Variants in YY1AP1 observed in about 807,000 individuals in gnomAD.
The protein encoded by YY1AP1 is YY1-associated protein 1.
YY1AP1 carries 43 observed loss-of-function variants against 39.9 expected under a neutral mutation model. That is an observed-to-expected ratio of 1.08 (90% CI 0.84 to 1.39). The LOEUF is 1.39. Among genes scored for constraint, YY1AP1 ranks in the 40% most tolerant of loss-of-function variants. The pLI, the probability that YY1AP1 is intolerant of heterozygous loss-of-function variation, is 0.00. For synonymous variants in YY1AP1, 292 were observed against 331.3 expected (o/e 0.88, Z 1.29); for missense variants, 813 against 900.7 (o/e 0.90, Z 1.25).
At chr1:155,672,998 T>C (rs1362612423) in intron 6 of YY1AP1, among the ~76,000 whole-genome samples, 2 of 152,172 alleles carry the variant, frequency 1.3e-5, no homozygotes, top group East Asian at 3.9e-4. Context: ...GTCTCAAGAA[T>C]GGGGACTATT....
At chr1:155,667,659 A>C (rs536164068) in intron 9 of YY1AP1, among the ~76,000 whole-genome samples, 2 of 151,178 alleles carry the variant, frequency 1.3e-5, no homozygotes, top group East Asian at 4.0e-4. Context: ...CCCCGACTCT[A>C]CTAAATACAA....
chr1:155,671,354 C>A (rs941430003), intron 7 of YY1AP1, among the ~76,000 whole-genome samples: 1 of 151,704 alleles, frequency 6.6e-6, no homozygotes, highest in Non-Finnish European at 1.5e-5. Flanking sequence ...TTGTTTGAAC[C>A]TGGGAGGCGG....
chr1:155,678,098 A>C (rs1321218237), intron 4 of YY1AP1, among the ~76,000 whole-genome samples: 3 of 152,368 alleles, frequency 2.0e-5, no homozygotes, highest in East Asian at 3.9e-4. Context: ...AGGTGGCTCC[A>C]TAAGATTACT....
intron 2 of YY1AP1, among the ~76,000 whole-genome samples, chr1:155,687,093 T>C (rs566899679): frequency 6.6e-6 from 1 of 152,344 alleles, no homozygotes; most frequent in African/African-American, 2.4e-5. Flanking sequence ...AGAGATTCAG[T>C]ATCACAAAGA....
chr1:155,666,184 C>T (rs200428375), intron 9 of YY1AP1, among the ~76,000 whole-genome samples: 53 of 151,702 alleles, frequency 3.5e-4, no homozygotes, highest in East Asian at 3.1e-3. Context: ...TGCAGTGGCG[C>T]GATCTCGGCT....
chr1:155,680,648 T>C (rs1349582832), intron 2 of YY1AP1, among the ~76,000 whole-genome samples, 192 bp from the exon 3 acceptor site: 1 of 152,136 alleles, frequency 6.6e-6, no homozygotes, highest in Non-Finnish European at 1.5e-5. Context: ...CTCACTGCAA[T>C]CTCTGCTTCC....
At chr1:155,688,632 G>A in intron 1 of YY1AP1, 27 bp downstream of exon 1, 2 of 1,534,454 alleles carry the variant, frequency 1.3e-6, no homozygotes, top group African/African-American at 1.4e-5. Context: ...CTGTCAAGCC[G>A]GCTCCAGCGC....
At chr1:155,679,209 A>T (rs489970) in intron 4 of YY1AP1, 200 bp downstream of exon 4, 5 of 1,518,282 alleles carry the variant, frequency 3.3e-6, no homozygotes, top group South Asian at 1.2e-5. Context: ...CTTCCCAAAC[A>T]GATACAGCTT....
At chr1:155,685,063 C>T (rs1558318364) in intron 2 of YY1AP1, among the ~76,000 whole-genome samples, 1 of 152,156 alleles carries the variant, frequency 6.6e-6, no homozygotes, top group Non-Finnish European at 1.5e-5. Context: ...CATCCCAAAA[C>T]AAGGTAAGGA....
In YY1AP1 at chr1:155,672,490, T is replaced by A. The variant is rs544704207; in HGVS notation, c.583+70A>T. The stretch of plus-strand genomic sequence containing the variant: ...CCTAGGCAAGTATCCTAGGAAGTTA[T>A]CTATGGGATAAGATTCCCACCACCT... On this transcript the variant is annotated intron_variant, in intron 7 of 10. Coordinates refer to ENST00000355499, the MANE Select transcript of YY1AP1 (RefSeq NM_139119.3). 193 of 1,604,938 alleles carry A rather than the reference T, an allele frequency of 1.2e-4. 3 individuals are homozygous for A. The Admixed American group carries it at 3.2e-3, about 26-fold the overall frequency.
intron 3 of YY1AP1, 101 bp from the exon 4 acceptor site, chr1:155,679,613 A>ATACTATATTAAGTATATT: frequency 6.3e-7 from 1 of 1,580,694 alleles, no homozygotes; most frequent in Non-Finnish European, 8.6e-7. Flanking sequence ...ATACTTTAAT[A>ATACTATATTAAGTATATT]ATGCTGGCAC....
intron 9 of YY1AP1, among the ~76,000 whole-genome samples, chr1:155,663,120 C>A (rs952468421): frequency 1.3e-5 from 2 of 152,030 alleles, no homozygotes; most frequent in African/African-American, 4.8e-5. Context: ...TGCCTGTAAT[C>A]CCAGCACTTT....
chr1:155,673,188 G>C (rs528540409), intron 6 of YY1AP1, among the ~76,000 whole-genome samples: 6 of 151,954 alleles, frequency 3.9e-5, no homozygotes, highest in Non-Finnish European at 4.4e-5. Flanking sequence ...GCTGATTTTT[G>C]TATTTTTTGC....
At chr1:155,676,445 A>G in intron 5 of YY1AP1, 103 bp downstream of exon 5, 1 of 1,373,422 alleles carries the variant, frequency 7.3e-7, no homozygotes, top group Non-Finnish European at 1.0e-6. Flanking sequence ...TAGTAAGGTA[A>G]CTATCTCTGA....
chr1:155,668,925 G>T, intron 8 of YY1AP1, 148 bp from the exon 9 acceptor site: 1 of 1,156,440 alleles, frequency 8.6e-7, no homozygotes, highest in Non-Finnish European at 1.2e-6. Context: ...GTGCAGTGGC[G>T]TGATCGCAGC....
At chr1:155,673,543 T>TA in intron 6 of YY1AP1, among the ~76,000 whole-genome samples, 1 of 152,146 alleles carries the variant, frequency 6.6e-6, no homozygotes, top group East Asian at 1.9e-4. Context: ...TTTTATGAGG[T>TA]AAAGTATGGT....
At chr1:155,676,495 CAG>C in intron 5 of YY1AP1, 51 bp downstream of exon 5, 2 of 1,596,230 alleles carry the variant, frequency 1.3e-6, no homozygotes, top group East Asian at 2.2e-5. Flanking sequence ...ACCAAAGCCT[CAG>C]AGTTAGGCCT....
At chr1:155,663,904 A>G (rs969272061) in intron 9 of YY1AP1, among the ~76,000 whole-genome samples, 2 of 151,840 alleles carry the variant, frequency 1.3e-5, no homozygotes, top group African/African-American at 4.8e-5. Context: ...AAATGGGGCC[A>G]TGGCTCATGC....
rs904184096 is a variant in YY1AP1, at chr1:155,670,424, G to A, written c.624C>T (p.Ile208=). The A allele has an allele frequency of 2.5e-6, 4 of 1,614,124 alleles. No homozygotes were observed. The highest frequency in any genetic ancestry group is 2.2e-5 in the South Asian group (2 of 91,074). Residue 208 remains isoleucine, a synonymous_variant, in exon 8 of 11, where the codon ATC becomes ATT. Coordinates refer to ENST00000355499, the MANE Select transcript of YY1AP1 (RefSeq NM_139119.3). ...ACATGAAAACCTTGCTTGTGGCCAG[G>A]ATCCAAGCCACTTGCTTTGGCAAAC... The part of the protein sequence containing the change: ...FPCLPKQVAW[I]LATSKVFMYP...
Sources: allele counts gnomAD v4.1 joint callset (sites outside exome capture counted in the v4.1 genomes callset), GRCh38; gene constraint gnomAD v4.1.1; transcripts MANE v1.5; gene names NCBI Gene and HGNC (gene_info 2026-07-23, HGNC 2026-07-21).